The following GPC4 variants were observed in gnomAD, a reference collection of about 807,000 sequenced individuals.
GPC4 encodes the protein glypican-4.
In GPC4, 10 loss-of-function variants were observed where a neutral mutation model predicts 35.0. The observed-to-expected ratio is 0.29, with a 90% CI of 0.18 to 0.48. The LOEUF is 0.48. Among genes scored for constraint, GPC4 ranks in the 20% least tolerant of loss-of-function variants. The probability of loss-of-function intolerance (pLI) is 0.99; values close to 1 mark genes in which losing one functional copy is unlikely to be tolerated. For synonymous variants in GPC4, 167 were observed against 170.2 expected (o/e 0.98, Z 0.15); for missense variants, 322 against 451.3 (o/e 0.71, Z 2.60).
intron 4 of GPC4, among the ~76,000 whole-genome samples, chrX:133,307,603 G>A (rs895481945): frequency 8.9e-6 from 1 of 111,842 alleles, no homozygotes; most frequent in Non-Finnish European, 1.9e-5. Flanking sequence ...TGCTTTTGAT[G>A]TGCTAGCAAA....
intron 6 of GPC4, among the ~76,000 whole-genome samples, chrX:133,305,212 T>C (rs2068285646): frequency 8.9e-6 from 1 of 111,923 alleles, no homozygotes; most frequent in Admixed American, 9.5e-5. Flanking sequence ...TTATGCACTC[T>C]GTGAAACATA....
intron 1 of GPC4, among the ~76,000 whole-genome samples, chrX:133,345,750 G>T (rs1479376004): frequency 9.0e-6 from 1 of 111,710 alleles, no homozygotes; most frequent in Non-Finnish European, 1.9e-5. Flanking sequence ...TGTGGGGAGG[G>T]GTGATCAATT....
chrX:133,388,173 C>T (rs2068701152), intron 1 of GPC4, among the ~76,000 whole-genome samples: 2 of 111,807 alleles, frequency 1.8e-5, no homozygotes, highest in African/African-American at 6.5e-5. Context: ...TGGGCAAAGC[C>T]CTTACTTTAA....
chrX:133,358,057 C>T (rs1204558599), intron 1 of GPC4, among the ~76,000 whole-genome samples: 1 of 111,911 alleles, frequency 8.9e-6, no homozygotes, highest in African/African-American at 3.2e-5. Context: ...AAAGACAAAA[C>T]AGTCCCTTGA....
At chrX:133,361,394 A>G (rs1168307860) in intron 1 of GPC4, among the ~76,000 whole-genome samples, 3 of 111,925 alleles carry the variant, frequency 2.7e-5, no homozygotes, top group Non-Finnish European at 5.6e-5. Flanking sequence ...TATAGAAGAA[A>G]AGAGCTAAGT....
At chrX:133,388,506 C>A (rs1180595905) in intron 1 of GPC4, among the ~76,000 whole-genome samples, 1 of 111,412 alleles carries the variant, frequency 9.0e-6, no homozygotes, top group East Asian at 2.8e-4. Flanking sequence ...GAGCTTACAT[C>A]CCTGTAGAAG....
chrX:133,318,885 G>C (rs957886857), intron 3 of GPC4, among the ~76,000 whole-genome samples: 6 of 112,302 alleles, frequency 5.3e-5, no homozygotes, highest in African/African-American at 1.6e-4. Context: ...AATGGAGTGA[G>C]CTGAAATCAC....
At chrX:133,355,871 G>A (rs1255458722) in intron 1 of GPC4, among the ~76,000 whole-genome samples, 4 of 111,103 alleles carry the variant, frequency 3.6e-5, no homozygotes, top group Admixed American at 9.6e-5. Context: ...TCTTAATCCC[G>A]CTATCACCAT....
rs1265415524 is a variant in GPC4, at chrX:133,300,420, G to C, written c.*2447C>G. 8.9e-6 allele frequency: 1 copy of C among 111,900 alleles called. No homozygotes were observed. 9.2% of individuals were successfully genotyped at this position (111,900 alleles called of 1,213,427 possible). A position where few individuals can be genotyped will look rare whatever the true frequency, so the allele number is the denominator to read the frequency against. On this transcript the variant is annotated 3_prime_UTR_variant, in exon 9 of 9. Coordinates refer to ENST00000370828, the MANE Select transcript of GPC4 (RefSeq NM_001448.3). ...AAAAGTCAGGTCTTCTCCTAACAAG[G>C]CTTTTATTCTACTTCATACTCCAAA...
intron 1 of GPC4, among the ~76,000 whole-genome samples, chrX:133,351,468 G>T (rs1285383612): frequency 2.8e-5 from 3 of 107,958 alleles, no homozygotes; most frequent in Admixed American, 1.0e-4. Context: ...GAAACACAAG[G>T]TCACTAGCAA....
chrX:133,387,668 C>T (rs1028408828), intron 1 of GPC4, among the ~76,000 whole-genome samples: 3 of 111,550 alleles, frequency 2.7e-5, no homozygotes, highest in African/African-American at 9.8e-5. Flanking sequence ...CCAGATAAAC[C>T]CAATAAGTCT....
intron 1 of GPC4, among the ~76,000 whole-genome samples, chrX:133,380,059 G>T (rs943924700): frequency 1.8e-5 from 2 of 110,643 alleles, no homozygotes; most frequent in Non-Finnish European, 3.8e-5. Flanking sequence ...GATGTGGGCC[G>T]GGCGTGGTGG....
At chrX:133,322,829 G>GAAT (rs2068372862) in intron 3 of GPC4, among the ~76,000 whole-genome samples, 1 of 112,120 alleles carries the variant, frequency 8.9e-6, no homozygotes, top group Non-Finnish European at 1.9e-5. Flanking sequence ...CCTACAATTT[G>GAAT]GCTTTCCCTT....
intron 1 of GPC4, among the ~76,000 whole-genome samples, chrX:133,395,867 A>G (rs1422833518): frequency 1.8e-5 from 2 of 111,298 alleles, no homozygotes; most frequent in Non-Finnish European, 1.9e-5. Flanking sequence ...AAAAATCAAT[A>G]TTGACTGATT....
chrX:133,406,742 C>T lies in GPC4; in HGVS notation c.160+8064G>A, dbSNP rs111953427. 4.3e-3 allele frequency among the ~76,000 whole-genome samples: 253 copies of T among 58,224 alleles called. 2 individuals are homozygous for T. The highest frequency in any genetic ancestry group is 0.022 in the African/African-American group (242 of 10,970). 50.6% of individuals were successfully genotyped at this position (58,224 alleles called of 115,157 possible). On this transcript the variant is annotated intron_variant, in intron 1 of 8. Coordinates refer to ENST00000370828, the MANE Select transcript of GPC4 (RefSeq NM_001448.3). ...CAGCCTTGGCAACAGAGCAAGACTT[C>T]GTCTCAAAAAAAAAAAAAAAAAAAA...
intron 1 of GPC4, among the ~76,000 whole-genome samples, chrX:133,392,716 C>G (rs1242124333): frequency 9.2e-6 from 1 of 108,319 alleles, no homozygotes; most frequent in African/African-American, 3.4e-5. Context: ...ATTTGTCAGA[C>G]AGCCCCAAAA....
At chrX:133,403,252 T>C (rs1266520757) in intron 1 of GPC4, among the ~76,000 whole-genome samples, 1 of 111,719 alleles carries the variant, frequency 9.0e-6, no homozygotes, top group Non-Finnish European at 1.9e-5. Context: ...ATACCAAAGA[T>C]TGGGTGGCTT....
chrX:133,413,305 G>A (rs2068820956), intron 1 of GPC4, among the ~76,000 whole-genome samples: 1 of 112,239 alleles, frequency 8.9e-6, no homozygotes, highest in Non-Finnish European at 1.9e-5. Context: ...CTGCCAAGGT[G>A]CAGTGGGCGC....
intron 1 of GPC4, among the ~76,000 whole-genome samples, chrX:133,354,807 A>C (rs1300189950): frequency 9.2e-6 from 1 of 108,623 alleles, no homozygotes; most frequent in East Asian, 2.9e-4. Flanking sequence ...TGACCTCATG[A>C]TCCACCCGCC....
Sources: gnomAD v4.1 joint callset for allele counts (sites outside exome capture counted in the v4.1 genomes callset) on GRCh38, gnomAD v4.1.1 for gene constraint, MANE v1.5 for transcripts, NCBI Gene and HGNC (gene_info 2026-07-23, HGNC 2026-07-21) for gene names.